RABGAP1L: variants seen among roughly 807,000 people sequenced by gnomAD.
RABGAP1L encodes RAB GTPase activating protein 1 like, also known as rab GTPase-activating protein 1-like.
Under a neutral mutation model 137.7 loss-of-function variants are expected in RABGAP1L, and 63 were observed. The ratio of observed to expected loss-of-function variants is 0.46; its 90% CI spans 0.37 to 0.56. The LOEUF is 0.56. Among genes scored for constraint, RABGAP1L ranks in the 20% least tolerant of loss-of-function variants. The pLI is 0.00. For missense variants in RABGAP1L, 1,095 were observed against 1,244.0 expected (o/e 0.88, Z 1.80); for synonymous variants, 431 against 433.7 (o/e 0.99, Z 0.08).
At chr1:174,577,638 G>A (rs1221804535) in intron 13 of RABGAP1L, among the ~76,000 whole-genome samples, 1 of 152,094 alleles carries the variant, frequency 6.6e-6, no homozygotes, top group Non-Finnish European at 1.5e-5. Flanking sequence ...GTAGCTATAG[G>A]CTATTTTGAA....
Position 174,281,403 on chromosome 1 carries a change from T to G in RABGAP1L, c.1323+2624T>G, listed in dbSNP as rs539912950. 1.8e-4 allele frequency among the ~76,000 whole-genome samples: 27 copies of G among 152,350 alleles called. No individual in the cohort carries two copies. In the East Asian group the frequency reaches 5.2e-3, roughly 29 times the overall value. On this transcript the variant is annotated intron_variant, in intron 10 of 25. Transcript: ENST00000681986. ...CATTAGCTAGACACAGAGCACTGAC[T>G]GGTGCGTTTTTACAGAGTGCTGATT...
intron 15 of RABGAP1L, among the ~76,000 whole-genome samples, chr1:174,697,819 A>G (rs1050858150): frequency 2.0e-5 from 3 of 152,236 alleles, no homozygotes; most frequent in African/African-American, 7.2e-5. Flanking sequence ...GAAGCTGAAA[A>G]ATAGTTGCTA....
chr1:174,890,502 C>CT (rs1187323778), intron 19 of RABGAP1L, among the ~76,000 whole-genome samples: 1 of 152,122 alleles, frequency 6.6e-6, no homozygotes, highest in East Asian at 1.9e-4. Flanking sequence ...GATGTAGACA[C>CT]TTTTTAAAGT....
intron 13 of RABGAP1L, among the ~76,000 whole-genome samples, chr1:174,526,715 T>C (rs975807331): frequency 6.6e-6 from 1 of 152,132 alleles, no homozygotes; most frequent in Non-Finnish European, 1.5e-5. Context: ...TTGGGTCATT[T>C]CTTTTCCTGG....
chr1:174,183,910 G>A (rs550006859), intron 1 of RABGAP1L, among the ~76,000 whole-genome samples: 143 of 141,800 alleles, frequency 1.0e-3, no homozygotes, highest in Middle Eastern at 3.9e-3. Context: ...CTGTTGCCCA[G>A]GCTGGAGTGC....
intron 20 of RABGAP1L, among the ~76,000 whole-genome samples, chr1:174,961,955 A>G (rs1040623705): frequency 2.6e-5 from 4 of 151,824 alleles, no homozygotes; most frequent in African/African-American, 9.7e-5. Context: ...AGGAGAATCG[A>G]GACCATCCTG....
chr1:174,516,584 C>A (rs1162547713), intron 13 of RABGAP1L, among the ~76,000 whole-genome samples: 1 of 151,930 alleles, frequency 6.6e-6, no homozygotes, highest in East Asian at 1.9e-4. Flanking sequence ...AATATAAAGG[C>A]CAAATTTAGA....
chr1:174,388,519 GA>G (rs2149069334), intron 12 of RABGAP1L, among the ~76,000 whole-genome samples: 1 of 152,022 alleles, frequency 6.6e-6, no homozygotes, highest in African/African-American at 2.4e-5. Flanking sequence ...AAACATTTGG[GA>G]TAGGAGAACT....
At chr1:174,383,905 C>A (rs1219921948) in intron 12 of RABGAP1L, among the ~76,000 whole-genome samples, 5 of 152,022 alleles carry the variant, frequency 3.3e-5, no homozygotes, top group Non-Finnish European at 7.4e-5. Context: ...AATTGAAGAC[C>A]CTTCTTATAC....
intron 13 of RABGAP1L, among the ~76,000 whole-genome samples, chr1:174,447,790 C>G (rs1312126806): frequency 6.6e-6 from 1 of 151,946 alleles, no homozygotes; most frequent in African/African-American, 2.4e-5. Context: ...CTAGAAGTGC[C>G]TTATGTCTGC....
chr1:174,749,083 C>CAAG (rs1394859697), intron 17 of RABGAP1L, among the ~76,000 whole-genome samples: 1 of 150,008 alleles, frequency 6.7e-6, no homozygotes, highest in East Asian at 2.0e-4. Context: ...GGCTGAGGCA[C>CAAG]AAGAATCGCC....
intron 13 of RABGAP1L, among the ~76,000 whole-genome samples, chr1:174,510,984 G>A (rs552275614): frequency 1.3e-5 from 2 of 152,212 alleles, no homozygotes; most frequent in Admixed American, 6.5e-5. Context: ...AGAAGCAAAA[G>A]CAGAATCATG....
At chr1:174,272,512 A>C in intron 8 of RABGAP1L, 32 bp downstream of exon 8, 1 of 1,461,430 alleles carries the variant, frequency 6.8e-7, no homozygotes, top group Non-Finnish European at 9.0e-7. Context: ...TTAACCAAGT[A>C]TAGATGATAG....
chr1:174,795,731 ATTG>A (rs779659564), intron 18 of RABGAP1L, among the ~76,000 whole-genome samples: 2 of 152,020 alleles, frequency 1.3e-5, no homozygotes, highest in East Asian at 1.9e-4. Context: ...ATGATTAATT[ATTG>A]TTGTTATTAT....
At chr1:174,787,028 G>A (rs906281399) in intron 18 of RABGAP1L, among the ~76,000 whole-genome samples, 1 of 152,146 alleles carries the variant, frequency 6.6e-6, no homozygotes, top group Non-Finnish European at 1.5e-5. Context: ...AATAATTGTC[G>A]TAGAAGAGTT....
chr1:174,788,857 G>A (rs542779221), intron 18 of RABGAP1L, among the ~76,000 whole-genome samples: 36 of 152,146 alleles, frequency 2.4e-4, no homozygotes, highest in East Asian at 5.8e-4. Context: ...AATCACAGGC[G>A]TGCACCACCA....
chr1:174,416,572 A>T lies in RABGAP1L; in HGVS notation c.1710+22427A>T, dbSNP rs189685537. ...TAACTTCTAATCTTACCACATTTTAAATCCTGGAACAAGCCATGCTGCTTA... is the reference window on the plus strand; with the variant it reads ...TAACTTCTAATCTTACCACATTTTATATCCTGGAACAAGCCATGCTGCTTA... On this transcript the variant is annotated intron_variant, in intron 13 of 25. Transcript: ENST00000681986. Among the ~76,000 whole-genome samples, 767 of 152,248 alleles carry T rather than the reference A, an allele frequency of 5.0e-3. 3 individuals carry two copies. The highest frequency in any genetic ancestry group is 8.1e-3 in the Non-Finnish European group (552 of 67,980).
intron 13 of RABGAP1L, among the ~76,000 whole-genome samples, chr1:174,527,814 G>A (rs1459959579): frequency 6.6e-6 from 1 of 150,982 alleles, no homozygotes; most frequent in Non-Finnish European, 1.5e-5. Flanking sequence ...GGGTGCTCTA[G>A]TGTTAGGTGC....
Position 174,550,857 on chromosome 1 carries a change from AATATATATAT to A in RABGAP1L, c.1711-86488_1711-86479del, listed in dbSNP as rs1216100934. Among the ~76,000 whole-genome samples, 360 of 61,832 alleles carry A rather than the reference AATATATATAT, an allele frequency of 5.8e-3. 7 individuals carry two copies. Among genetic ancestry groups the A allele is most frequent in the East Asian group, 0.015 (22 of 1,470 alleles). The allele number at this position is 61,832 out of a possible 152,430, so 40.6% of individuals were successfully genotyped here. A position where few individuals can be genotyped will look rare whatever the true frequency, so the allele number is the denominator to read the frequency against. On this transcript the variant is annotated intron_variant, in intron 13 of 25. Transcript: ENST00000681986. ...ACACGGTGAAACCCCGTCTCTGCTA[AATATATATAT>A]ATATATATATATATATATATATATA... is the stretch of plus-strand genomic sequence containing the variant.
Sources: gnomAD v4.1 joint callset for allele counts (sites outside exome capture counted in the v4.1 genomes callset) on GRCh38, gnomAD v4.1.1 for gene constraint, MANE v1.5 for transcripts, NCBI Gene and HGNC (gene_info 2026-07-23, HGNC 2026-07-21) for gene names.